LRP1B: variants seen among roughly 807,000 people sequenced by gnomAD.
LRP1B encodes the protein low-density lipoprotein receptor-related protein 1B.
A neutral mutation model predicts 556.6 loss-of-function variants in LRP1B; 217 were observed. That is an observed-to-expected ratio of 0.39 (90% CI 0.35 to 0.44). The LOEUF is 0.44. Ranked by LOEUF, LRP1B falls within the 20% of genes least tolerant of loss-of-function variation. LRP1B has a pLI of 1.00. For missense variants in LRP1B, 5,053 were observed against 5,620.8 expected (o/e 0.90, Z 3.23); for synonymous variants, 2,047 against 1,865.8 (o/e 1.10, Z -2.50).
At chr2:142,126,034 T>C (rs889019325) in intron 1 of LRP1B, among the ~76,000 whole-genome samples, 1 of 151,902 alleles carries the variant, frequency 6.6e-6, no homozygotes, top group African/African-American at 2.4e-5. Context: ...TAATTCATAA[T>C]GGAACTCAGT....
intron 2 of LRP1B, among the ~76,000 whole-genome samples, chr2:141,561,911 C>G (rs1212686842): frequency 6.6e-6 from 1 of 151,708 alleles, no homozygotes; most frequent in Non-Finnish European, 1.5e-5. Flanking sequence ...ATTTCCAGAA[C>G]AGATTGCCAA....
intron 3 of LRP1B, among the ~76,000 whole-genome samples, chr2:141,259,015 A>G (rs1684587372): frequency 6.6e-6 from 1 of 152,204 alleles, no homozygotes; most frequent in Non-Finnish European, 1.5e-5. Context: ...AAGTTGCAAA[A>G]GAGAGTATTA....
rs118033210 is a variant in LRP1B at position 140,892,580 on chromosome 2, T to A, written c.3767-6245A>T. ...ATGCGGGAACTTAGTGAACTGTTGG[T>A]ATAGATGTAGACAGTGCAACCACTC... On this transcript the variant is annotated intron_variant, in intron 23 of 90. Coordinates refer to ENST00000389484, the MANE Select transcript of LRP1B (RefSeq NM_018557.3). Among the ~76,000 whole-genome samples the A allele has an allele frequency of 2.2e-3, 333 of 152,298 alleles. 8 individuals carry two copies. In the East Asian group the frequency reaches 0.032, roughly 15 times the overall value.
At chr2:141,972,585 T>C (rs919990636) in intron 1 of LRP1B, among the ~76,000 whole-genome samples, 15 of 84,156 alleles carry the variant, frequency 1.8e-4, no homozygotes, top group African/African-American at 8.7e-4. Flanking sequence ...TGAATGCAGG[T>C]GCAAAAAAAA....
At chr2:140,331,854 C>A (rs1008958754) in intron 79 of LRP1B, among the ~76,000 whole-genome samples, 1 of 151,766 alleles carries the variant, frequency 6.6e-6, no homozygotes, top group African/African-American at 2.4e-5. Context: ...TACCACCATG[C>A]CTGGCTTATT....
At chr2:141,984,857 T>C (rs1389985440) in intron 1 of LRP1B, among the ~76,000 whole-genome samples, 1 of 152,148 alleles carries the variant, frequency 6.6e-6, no homozygotes, top group Non-Finnish European at 1.5e-5. Flanking sequence ...ATAGGCTACC[T>C]GCTGAGGTCT....
At chr2:140,926,892 G>C (rs1414642418) in intron 20 of LRP1B, among the ~76,000 whole-genome samples, 1 of 152,042 alleles carries the variant, frequency 6.6e-6, no homozygotes, top group Non-Finnish European at 1.5e-5. Flanking sequence ...CTCCCATCCT[G>C]TGTAACTTGC....
At chr2:141,443,421 G>A (rs1681060834) in intron 3 of LRP1B, among the ~76,000 whole-genome samples, 1 of 152,122 alleles carries the variant, frequency 6.6e-6, no homozygotes, top group Non-Finnish European at 1.5e-5. Flanking sequence ...CTGTGCAGGA[G>A]CTCTTTAGTT....
chr2:140,413,411 G>C (rs180880426), intron 66 of LRP1B, among the ~76,000 whole-genome samples: 1 of 152,228 alleles, frequency 6.6e-6, no homozygotes, highest in East Asian at 1.9e-4. Context: ...GTTTCTAATA[G>C]AAAATCTGTC....
chr2:141,064,994 C>T (rs1699439175), intron 7 of LRP1B, among the ~76,000 whole-genome samples: 1 of 151,790 alleles, frequency 6.6e-6, no homozygotes, highest in African/African-American at 2.4e-5. Context: ...ACAAAAGTAC[C>T]AGATAATTTG....
At chr2:141,413,395 A>G (rs545091814) in intron 3 of LRP1B, among the ~76,000 whole-genome samples, 1 of 152,226 alleles carries the variant, frequency 6.6e-6, no homozygotes, top group Non-Finnish European at 1.5e-5. Context: ...TTGAAGATGA[A>G]GGAATGAGGC....
intron 21 of LRP1B, among the ~76,000 whole-genome samples, chr2:140,910,826 A>G (rs564220800): frequency 6.6e-6 from 1 of 152,032 alleles, no homozygotes; most frequent in Admixed American, 6.6e-5. Flanking sequence ...AAACAGCACA[A>G]ATGTTGAAAA....
rs1680516753 is a variant in LRP1B at position 140,232,530 on chromosome 2, T to C, written c.*656A>G. 1 of 151,774 alleles carries C rather than the reference T, an allele frequency of 6.6e-6. No individual in the cohort carries two copies. Among genetic ancestry groups the C allele is most frequent in the Non-Finnish European group, 1.5e-5 (1 of 67,576 alleles). The allele number at this position is 151,774 out of a possible 1,614,324, so 9.4% of individuals were successfully genotyped here. A position where few individuals can be genotyped will look rare whatever the true frequency, so the allele number is the denominator to read the frequency against. ...TTACAAGGTGTATACATTTAGTACA[T>C]CACATAGAGTCCACTAAGTTTTGGA... is the stretch of plus-strand genomic sequence containing the variant. On this transcript the variant is annotated 3_prime_UTR_variant, in exon 91 of 91. Transcript: ENST00000389484.
At chr2:140,288,120 G>A (rs76656639) in intron 84 of LRP1B, among the ~76,000 whole-genome samples, 25,182 of 146,774 alleles carry the variant, frequency 0.17, 2,583 homozygotes, top group East Asian at 0.34. Flanking sequence ...TATACCCTTG[G>A]ACTCAGAACA....
chr2:141,556,853 G>A (rs1011808999), intron 2 of LRP1B, among the ~76,000 whole-genome samples: 3 of 151,772 alleles, frequency 2.0e-5, no homozygotes, highest in Non-Finnish European at 4.4e-5. Flanking sequence ...GAGAAGTTAA[G>A]TAATTTGCTC....
At chr2:140,378,112 T>C in intron 68 of LRP1B, 68 bp downstream of exon 68, 1 of 1,060,026 alleles carries the variant, frequency 9.4e-7, no homozygotes, top group Admixed American at 2.0e-5. Context: ...CTTATTGGAC[T>C]GAATAATAAT....
intron 1 of LRP1B, among the ~76,000 whole-genome samples, chr2:142,065,411 T>G (rs990159161): frequency 6.6e-6 from 1 of 151,106 alleles, no homozygotes; most frequent in Non-Finnish European, 1.5e-5. Flanking sequence ...GGCTAATTGA[T>G]GCCTTCCTGC....
intron 2 of LRP1B, among the ~76,000 whole-genome samples, chr2:141,786,405 T>C (rs1013648532): frequency 6.6e-6 from 1 of 152,012 alleles, no homozygotes; most frequent in East Asian, 1.9e-4. Flanking sequence ...TTTGTTCCAA[T>C]AGAGAAGGCT....
At chr2:140,298,232 T>C (rs1354882643) in intron 83 of LRP1B, among the ~76,000 whole-genome samples, 1 of 152,222 alleles carries the variant, frequency 6.6e-6, no homozygotes, top group African/African-American at 2.4e-5. Flanking sequence ...TATACTTGCA[T>C]GCATATATTG....
Sources: allele counts gnomAD v4.1 joint callset (sites outside exome capture counted in the v4.1 genomes callset), GRCh38; gene constraint gnomAD v4.1.1; transcripts MANE v1.5; gene names NCBI Gene and HGNC (gene_info 2026-07-23, HGNC 2026-07-21).